The following YJEFN3 variants were observed in gnomAD, a reference collection of about 807,000 sequenced individuals.
The protein encoded by YJEFN3 is yjeF N-terminal domain-containing protein 3.
Under a neutral mutation model 31.5 loss-of-function variants are expected in YJEFN3, and 29 were observed. The observed-to-expected ratio is 0.92, with a 90% CI of 0.69 to 1.26. YJEFN3 has a LOEUF of 1.26. Among genes scored for constraint, YJEFN3 ranks in the 50% most tolerant of loss-of-function variants. The pLI, the probability that YJEFN3 is intolerant of heterozygous loss-of-function variation, is 0.00. For missense variants in YJEFN3, 442 were observed against 425.4 expected (o/e 1.04, Z -0.34); for synonymous variants, 227 against 196.1 (o/e 1.16, Z -1.32).
At chr19:19,533,133 G>A (rs976462810) in intron 3 of YJEFN3, 12 of 1,015,822 alleles carry the variant, frequency 1.2e-5, no homozygotes, top group African/African-American at 3.4e-5. Flanking sequence ...GAGGTGGCGA[G>A]GGGCCTGCCC....
intron 2 of YJEFN3, among the ~76,000 whole-genome samples, chr19:19,530,550 C>T (rs2061145599): frequency 6.6e-6 from 1 of 152,162 alleles, no homozygotes; most frequent in Non-Finnish European, 1.5e-5. Context: ...CATCGCCCTC[C>T]CGCCCTCCAC....
In YJEFN3 at chr19:19,534,211, G is replaced by C. The variant is rs910410943; in HGVS notation, c.319-823G>C. The C allele has an allele frequency of 1.0e-6, 1 of 969,904 alleles. No homozygotes were observed. Among genetic ancestry groups the C allele is most frequent in the African/African-American group, 1.8e-5 (1 of 56,924 alleles). 60.1% of individuals were successfully genotyped at this position (969,904 alleles called of 1,614,324 possible). On this transcript the variant is annotated intron_variant, in intron 3 of 6. Transcript: ENST00000514277. This position sits in a 1 kb window ranked among gnomAD's most constrained non-coding sequence, Gnocchi z 4.6. ...AGATGGCCAGAGACAGATGGAGAGA[G>C]ACAGATAACAGAGAGATACAGAGAC...
intron 1 of YJEFN3, 109 bp downstream of exon 1, chr19:19,529,100 C>G: frequency 6.7e-7 from 1 of 1,494,986 alleles, no homozygotes; most frequent in Non-Finnish European, 8.9e-7. Flanking sequence ...GGTCCGGGGA[C>G]TGGAGACGGG....
In YJEFN3 at chr19:19,537,551, A is replaced by G; in HGVS notation, c.*27A>G. 1 of 1,508,886 alleles carries G rather than the reference A, an allele frequency of 6.6e-7. No individual in the cohort carries two copies. The highest frequency in any genetic ancestry group is 8.9e-7 in the Non-Finnish European group (1 of 1,129,244). The allele number at this position is 1,508,886 out of a possible 1,614,324, so 93.5% of individuals were successfully genotyped here. Reference sequence around the variant, plus strand: ...CGCCACCCGCGGCCACACCGCAGGGACCCTCGCCAATAAACAGCCCTCCCA... The same window carrying G: ...CGCCACCCGCGGCCACACCGCAGGGGCCCTCGCCAATAAACAGCCCTCCCA... On this transcript the variant is annotated 3_prime_UTR_variant, in exon 7 of 7. Transcript: ENST00000514277.
chr19:19,537,298 C>G (rs747862135), intron 6 of YJEFN3, 21 bp from the exon 7 acceptor site: 2 of 1,563,822 alleles, frequency 1.3e-6, no homozygotes, highest in South Asian at 2.3e-5. Context: ...TTCCCAATCC[C>G]CCCGGACCCT....
Position 19,534,756 on chromosome 19 carries a change from G to C in YJEFN3, c.319-278G>C, listed in dbSNP as rs2052860642. ...GAAGAATGTCTGCAACTCAGGCGGA[G>C]AATAAACAAACCGCACTCCGGGCGA... On this transcript the variant is annotated intron_variant, in intron 3 of 6. Coordinates refer to ENST00000514277, the MANE Select transcript of YJEFN3 (RefSeq NM_198537.4). This position sits in a 1 kb window ranked among gnomAD's most constrained non-coding sequence, Gnocchi z 4.6. 1 of 325,942 alleles carries C rather than the reference G, an allele frequency of 3.1e-6. No individual in the cohort carries two copies. Among genetic ancestry groups the C allele is most frequent in the Admixed American group, 4.6e-5 (1 of 21,740 alleles). 20.2% of individuals were successfully genotyped at this position (325,942 alleles called of 1,614,324 possible).
chr19:19,529,683 C>T (rs554942733), intron 2 of YJEFN3, among the ~76,000 whole-genome samples, 170 bp downstream of exon 2: 14 of 152,262 alleles, frequency 9.2e-5, no homozygotes, highest in African/African-American at 2.9e-4. Flanking sequence ...TCCCCTCAGC[C>T]GATGTCCAGA....
In YJEFN3 at chr19:19,535,135, G is replaced by T; in HGVS notation, c.420G>T (p.Leu140=). The change falls in exon 4 of 7, where the codon CTG becomes CTT. Residue 140 remains leucine (L), a synonymous_variant. Transcript: ENST00000514277. The part of the protein sequence containing the change: ...GAVGLVCARH[L]RVFEYEPTIF... ...TGGGGCTGGTCTGTGCCCGGCACCT[G>T]CGGGTGTTTGTAAGTAGCAAGGACC... The T allele has an allele frequency of 6.2e-7, 1 of 1,603,878 alleles. No individual in the cohort carries two copies. Among genetic ancestry groups the T allele is most frequent in the African/African-American group, 1.3e-5 (1 of 74,734 alleles).
At chr19:19,532,786 A>C in intron 3 of YJEFN3, 46 bp downstream of exon 3, 1 of 1,440,606 alleles carries the variant, frequency 6.9e-7, no homozygotes. Context: ...CAGACGGCCA[A>C]CTCTCCTGAG....
Position 19,533,119 on chromosome 19 carries a change from C to T in YJEFN3, c.318+379C>T, listed in dbSNP as rs111808895. ...TGTTCTGCAGGTGGGGAAACTGAAGCTCAGAGGTGGCGAGGGGCCTGCCCT... is the reference window on the plus strand; with the variant it reads ...TGTTCTGCAGGTGGGGAAACTGAAGTTCAGAGGTGGCGAGGGGCCTGCCCT... On this transcript the variant is annotated intron_variant, in intron 3 of 6. Transcript: ENST00000514277. The T allele has an allele frequency of 1.3e-4, 138 of 1,026,166 alleles. 2 individuals are homozygous for T. The African/African-American group carries it at 2.0e-3, about 15-fold the overall frequency. The allele number at this position is 1,026,166 out of a possible 1,614,324, so 63.6% of individuals were successfully genotyped here.
At chr19:19,529,188 C>A in intron 1 of YJEFN3, 176 bp from the exon 2 acceptor site, 3 of 1,448,768 alleles carry the variant, frequency 2.1e-6, no homozygotes, top group Non-Finnish European at 2.7e-6. Flanking sequence ...CCAAGACGGG[C>A]CTGGGAATCC....
chr19:19,529,235 C>T, intron 1 of YJEFN3, 129 bp from the exon 2 acceptor site: 1 of 1,452,572 alleles, frequency 6.9e-7, no homozygotes, highest in Non-Finnish European at 9.1e-7. Context: ...TTGCTGGAGA[C>T]ACTAAGCTGC....
At chr19:19,532,935 G>T (rs1192765753) in intron 3 of YJEFN3, among the ~76,000 whole-genome samples, 195 bp downstream of exon 3, 1 of 152,180 alleles carries the variant, frequency 6.6e-6, no homozygotes, top group Non-Finnish European at 1.5e-5. Context: ...GAGACCCCTG[G>T]TATCAGAGAA....
chr19:19,529,626 G>C, intron 2 of YJEFN3, 113 bp downstream of exon 2: 2 of 1,434,414 alleles, frequency 1.4e-6, no homozygotes, highest in Non-Finnish European at 1.9e-6. Flanking sequence ...CTGTGAACCA[G>C]ATGCGTCCAA....
chr19:19,536,615 G>C (rs1448302657), intron 6 of YJEFN3, among the ~76,000 whole-genome samples: 1 of 152,070 alleles, frequency 6.6e-6, no homozygotes, highest in Non-Finnish European at 1.5e-5. Context: ...GGAGGCAGAG[G>C]TTGCTGTGAG....
In YJEFN3 at chr19:19,535,626, T is replaced by C. The variant is rs572332335; in HGVS notation, c.641T>C (p.Leu214Pro). The C allele has an allele frequency of 1.9e-6, 3 of 1,587,758 alleles. No homozygotes were observed. In the South Asian group the frequency reaches 3.4e-5, roughly 18 times the overall value. Residue 214 changes from leucine to proline, a missense_variant, in exon 6 of 7, where the codon CTG becomes CCG. Physicochemically the swap from Leu to Pro is moderately conservative, Grantham distance 98 (BLOSUM62 -3). Coordinates refer to ENST00000514277, the MANE Select transcript of YJEFN3 (RefSeq NM_198537.4). ...GTCGGGGGCCCCTGCACCCGCGCGC[T>C]GGCCACGCTCAAGCTGCTGTCCATC... ...GEVGGPCTRA[L>P]ATLKLLSIPL...
chr19:19,529,160 C>T lies in YJEFN3; in HGVS notation c.59+169C>T, dbSNP rs2061128589. 4 of 1,457,020 alleles carry T rather than the reference C, an allele frequency of 2.7e-6. No homozygotes were observed. In the East Asian group the frequency reaches 1.0e-4, roughly 36 times the overall value. The allele number at this position is 1,457,020 out of a possible 1,614,324, so 90.3% of individuals were successfully genotyped here. On this transcript the variant is annotated intron_variant, in intron 1 of 6. Coordinates refer to ENST00000514277, the MANE Select transcript of YJEFN3 (RefSeq NM_198537.4). ...GCAGAGGCATGACCACGGTGGGGAA[C>T]CGGAGGCAGGGATATGGCCAAGACG...
intron 1 of YJEFN3, 185 bp from the exon 2 acceptor site, chr19:19,529,179 C>G (rs2061128742): frequency 1.4e-6 from 2 of 1,451,344 alleles, no homozygotes; most frequent in African/African-American, 2.9e-5. Flanking sequence ...GGGATATGGC[C>G]AAGACGGGCC....
intron 3 of YJEFN3, chr19:19,532,972 C>A: frequency 7.6e-7 from 1 of 1,309,046 alleles, no homozygotes; most frequent in Non-Finnish European, 9.8e-7. Flanking sequence ...ATTGCAGGGA[C>A]AGTGCCACGA....
Sources: gnomAD v4.1 joint callset for allele counts (sites outside exome capture counted in the v4.1 genomes callset) on GRCh38, gnomAD v4.1.1 for gene constraint, Gnocchi (gnomAD v3.1) non-coding constraint, MANE v1.5 for transcripts, NCBI Gene and HGNC (gene_info 2026-07-23, HGNC 2026-07-21) for gene names.